The following NCAM2 variants were observed in gnomAD, a reference collection of about 807,000 sequenced individuals.
NCAM2 encodes neural cell adhesion molecule 2, also known as N-CAM-2.
NCAM2 carries 30 observed loss-of-function variants against 98.1 expected under a neutral mutation model. That is an observed-to-expected ratio of 0.31 (90% CI 0.23 to 0.41). NCAM2 has a LOEUF of 0.41. NCAM2 is among the 10% of genes least tolerant of loss of function. The pLI is 1.00. For synonymous variants in NCAM2, 368 were observed against 342.4 expected (o/e 1.07, Z -0.83); for missense variants, 867 against 1,005.8 (o/e 0.86, Z 1.87).
intron 12 of NCAM2, among the ~76,000 whole-genome samples, chr21:21,437,273 C>G (rs770730655): frequency 1.3e-5 from 2 of 152,056 alleles, no homozygotes; most frequent in East Asian, 3.9e-4. Context: ...ATAACATTAC[C>G]TTGATCAAGA....
intron 9 of NCAM2, among the ~76,000 whole-genome samples, chr21:21,382,634 A>G (rs946565938): frequency 6.6e-6 from 1 of 151,120 alleles, no homozygotes; most frequent in African/African-American, 2.4e-5. Flanking sequence ...TCCTGCCCCA[A>G]CCTTCTGAGT....
At chr21:21,355,553 G>A (rs1242164833) in intron 8 of NCAM2, among the ~76,000 whole-genome samples, 4 of 145,234 alleles carry the variant, frequency 2.8e-5, no homozygotes, top group South Asian at 2.3e-4. Context: ...AGGGAGGGAC[G>A]GAGGAAAGAA....
At chr21:21,161,179 C>G (rs2067770747) in intron 1 of NCAM2, among the ~76,000 whole-genome samples, 1 of 150,748 alleles carries the variant, frequency 6.6e-6, no homozygotes, top group African/African-American at 2.4e-5. Flanking sequence ...ATATTATTTG[C>G]GAATAGATAG....
At chr21:21,294,553 AT>A (rs1440119789) in intron 5 of NCAM2, among the ~76,000 whole-genome samples, 2 of 151,714 alleles carry the variant, frequency 1.3e-5, no homozygotes, top group Non-Finnish European at 2.9e-5. Flanking sequence ...AATTAGTCTC[AT>A]TTTTCCCTTT....
intron 7 of NCAM2, among the ~76,000 whole-genome samples, 171 bp downstream of exon 7, chr21:21,335,836 G>C (rs1002632958): frequency 6.6e-6 from 1 of 151,982 alleles, no homozygotes; most frequent in Non-Finnish European, 1.5e-5. Context: ...GAAGAATAAC[G>C]TAAAATTACA....
chr21:21,088,325 G>C (rs1336852955), intron 1 of NCAM2, among the ~76,000 whole-genome samples: 1 of 152,116 alleles, frequency 6.6e-6, no homozygotes, highest in Non-Finnish European at 1.5e-5. Flanking sequence ...TATATTAATA[G>C]AATTGTTTAA....
intron 16 of NCAM2, among the ~76,000 whole-genome samples, chr21:21,530,356 T>A (rs551765325): frequency 2.7e-4 from 39 of 145,188 alleles, no homozygotes; most frequent in African/African-American, 9.0e-4. Context: ...AATTAAAATA[T>A]AATTTGATTA....
chr21:21,408,614 G>A (rs2076791326), intron 9 of NCAM2, among the ~76,000 whole-genome samples: 1 of 151,874 alleles, frequency 6.6e-6, no homozygotes, highest in South Asian at 2.1e-4. Flanking sequence ...GTATTTGATT[G>A]GGCATATAAT....
At chr21:21,190,995 G>T (rs79301923) in intron 1 of NCAM2, among the ~76,000 whole-genome samples, 1 of 152,104 alleles carries the variant, frequency 6.6e-6, no homozygotes, top group African/African-American at 2.4e-5. Context: ...TTTACATACA[G>T]TATTTATTAG....
At chr21:21,236,885 G>A (rs1489996811) in intron 1 of NCAM2, among the ~76,000 whole-genome samples, 1 of 151,922 alleles carries the variant, frequency 6.6e-6, no homozygotes, top group African/African-American at 2.4e-5. Context: ...TAAGCACTTC[G>A]GCAGAGTTGG....
rs532070265 is a variant in NCAM2 at position 21,021,194 on chromosome 21, G to A, written c.55+22576G>A. 6.1e-4 allele frequency among the ~76,000 whole-genome samples: 91 copies of A among 148,576 alleles called. 1 individual carries two copies. The highest frequency in any genetic ancestry group is 2.2e-3 in the African/African-American group (88 of 39,902). ...TTTTTCTATGGATCATTTTTTTTTT[G>A]TAAATTCTTTGTTATGGGCCATTTA... On this transcript the variant is annotated intron_variant, in intron 1 of 17. Transcript: ENST00000400546.
At chr21:21,347,815 A>AT (rs1224615179) in intron 8 of NCAM2, among the ~76,000 whole-genome samples, 1 of 152,014 alleles carries the variant, frequency 6.6e-6, no homozygotes, top group Non-Finnish European at 1.5e-5. Flanking sequence ...GGGTCAACAT[A>AT]TAAAATCAAT....
chr21:21,390,331 T>C (rs1255527050), intron 9 of NCAM2, among the ~76,000 whole-genome samples: 2 of 152,016 alleles, frequency 1.3e-5, no homozygotes, highest in East Asian at 1.9e-4. Flanking sequence ...AGCACTAATA[T>C]AGAGCTTTAT....
intron 1 of NCAM2, among the ~76,000 whole-genome samples, chr21:21,105,337 A>G (rs560768599): frequency 2.0e-5 from 3 of 152,260 alleles, no homozygotes; most frequent in East Asian, 1.9e-4. Flanking sequence ...AAATGAATCA[A>G]TTATGGAGTA....
intron 1 of NCAM2, among the ~76,000 whole-genome samples, chr21:21,079,963 G>A (rs1218451746): frequency 6.6e-6 from 1 of 152,074 alleles, no homozygotes; most frequent in Non-Finnish European, 1.5e-5. Flanking sequence ...GAACAATCAT[G>A]CTTTTATTTA....
At chr21:21,028,194 C>CT (rs1293381154) in intron 1 of NCAM2, among the ~76,000 whole-genome samples, 1 of 152,096 alleles carries the variant, frequency 6.6e-6, no homozygotes, top group Admixed American at 6.5e-5. Flanking sequence ...TGGACAAAGT[C>CT]TTTGCTAAAA....
chr21:21,377,201 A>G lies in NCAM2; in HGVS notation c.1195+3188A>G, dbSNP rs191191575. Among the ~76,000 whole-genome samples the G allele has an allele frequency of 3.9e-3, 597 of 151,904 alleles. 2 individuals are homozygous for G. The highest frequency in any genetic ancestry group is 0.014 in the African/African-American group (573 of 41,534). ...CATTATTCAAATATATTTAAGTACA[A>G]TAAAAGCCCATATATAATGTAAAAT... On this transcript the variant is annotated intron_variant, in intron 9 of 17. Transcript: ENST00000400546.
chr21:21,171,041 T>G (rs1289469122), intron 1 of NCAM2, among the ~76,000 whole-genome samples: 1 of 152,228 alleles, frequency 6.6e-6, no homozygotes, highest in Non-Finnish European at 1.5e-5. Context: ...TGTAATAGAT[T>G]ACACAGTCAA....
chr21:21,078,807 T>G (rs2065732909), intron 1 of NCAM2, among the ~76,000 whole-genome samples: 1 of 152,106 alleles, frequency 6.6e-6, no homozygotes, highest in Admixed American at 6.6e-5. Context: ...AATGATAGAT[T>G]AGATAAAGAA....
Sources: allele counts gnomAD v4.1 joint callset (sites outside exome capture counted in the v4.1 genomes callset), GRCh38; gene constraint gnomAD v4.1.1; transcripts MANE v1.5; gene names NCBI Gene and HGNC (gene_info 2026-07-23, HGNC 2026-07-21).